FAM120AOS: variants seen among roughly 807,000 people sequenced by gnomAD.
The protein encoded by FAM120AOS is family with sequence similarity 120 member A opposite strand.
FAM120AOS carries 15 observed loss-of-function variants against 20.2 expected under a neutral mutation model. That is an observed-to-expected ratio of 0.74 (90% confidence interval 0.50 to 1.15). The LOEUF is 1.15. Among genes scored for constraint, FAM120AOS ranks in the 50% most tolerant of loss-of-function variants. The probability of loss-of-function intolerance (pLI) is 0.00; values close to 1 mark genes in which losing one functional copy is unlikely to be tolerated. For missense variants in FAM120AOS, 327 were observed against 351.9 expected (o/e 0.93, Z 0.57); for synonymous variants, 154 against 154.0 (o/e 1.00, Z 0.00).
Position 93,452,907 on chromosome 9 carries a change from C to A in FAM120AOS, c.-198G>T. On this transcript the variant is annotated 5_prime_UTR_variant, in exon 1 of 3. Coordinates refer to ENST00000375412, the MANE Select transcript of FAM120AOS (RefSeq NM_198841.4). This position sits in a 1 kb window ranked among gnomAD's most constrained non-coding sequence, Gnocchi z 7.0. ...CCGCCGCCCTTGCCAATGTTGTTAG[C>A]CCGGTGACAGCGAGACGTGTCTAAG... 7.0e-7 allele frequency: 1 copy of A among 1,435,390 alleles called. No individual in the cohort carries two copies. Among genetic ancestry groups the A allele is most frequent in the Non-Finnish European group, 9.1e-7 (1 of 1,102,466 alleles). The allele number at this position is 1,435,390 out of a possible 1,614,324, so 88.9% of individuals were successfully genotyped here. A position where few individuals can be genotyped will look rare whatever the true frequency, so the allele number is the denominator to read the frequency against.
In FAM120AOS at chr9:93,452,768, C is replaced by A. The variant is rs547451262; in HGVS notation, c.-59G>T. On this transcript the variant is annotated 5_prime_UTR_variant, in exon 1 of 3. It removes the in-frame stop codon of an upstream open reading frame in the 5' UTR. Transcript: ENST00000375412. This position sits in a 1 kb window ranked among gnomAD's most constrained non-coding sequence, Gnocchi z 7.0. ...CAACTTTGACAAAATACTCCCTTTT[C>A]TAATTTAGCCTGTTCTTTCCCAGCA... 3 of 1,596,316 alleles carry A rather than the reference C, an allele frequency of 1.9e-6. No individual in the cohort carries two copies. In the African/African-American group the frequency reaches 4.0e-5, roughly 21 times the overall value.
At position 93,453,342 on chromosome 9, in the gene FAM120AOS, G is replaced by T; in HGVS notation, c.-633C>A. On this transcript the variant is annotated 5_prime_UTR_variant, in exon 1 of 3. In the 5' UTR this introduces an upstream ATG that the reference lacks. Transcript: ENST00000375412. ...GGCCAGAGGAGAACTTCAGGACCCAGCAGTGACTGTGAAGATAAGCACATC... is the reference window on the plus strand; with the variant it reads ...GGCCAGAGGAGAACTTCAGGACCCATCAGTGACTGTGAAGATAAGCACATC... The T allele has an allele frequency of 1.0e-6, 1 of 985,760 alleles. No homozygotes were observed. Among genetic ancestry groups the T allele is most frequent in the Middle Eastern group, 5.2e-4 (1 of 1,918 alleles). The allele number at this position is 985,760 out of a possible 1,614,324, so 61.1% of individuals were successfully genotyped here. A position where few individuals can be genotyped will look rare whatever the true frequency, so the allele number is the denominator to read the frequency against.
chr9:93,448,001 T>G lies in FAM120AOS; in HGVS notation c.685-304A>C, dbSNP rs184812421. On this transcript the variant is annotated intron_variant, in intron 2 of 2. Transcript: ENST00000375412. ...CAGGGCTGGTGCTAGGTAAACATTA[T>G]AGGTTAGAATCCCTAGTGTGGATTA... 9.2e-5 allele frequency among the ~76,000 whole-genome samples: 14 copies of G among 152,214 alleles called. 2 individuals carry two copies. The highest frequency in any genetic ancestry group is 3.4e-4 in the African/African-American group (14 of 41,458).
At position 93,452,640 on chromosome 9, in the gene FAM120AOS, G is replaced by T; in HGVS notation, c.70C>A (p.Gln24Lys). 1.3e-6 allele frequency: 2 copies of T among 1,599,212 alleles called. No homozygotes were observed. The highest frequency in any genetic ancestry group is 1.1e-5 in the South Asian group (1 of 91,076). ...GGCCGCGTGGGGACACTTGAGGGCT[G>T]GGAGAGAGCCCCGGACCAGAATTCG... ...ASEFWSGALS[Q>K]PSSVPTRPRT... The change falls in exon 1 of 3, where the codon CAG becomes AAG. Residue 24 changes from glutamine to lysine, a missense_variant. Gln to Lys is a moderately conservative substitution (Grantham distance 53, BLOSUM62 1). Transcript: ENST00000375412. The surrounding 1 kb of genome is among the most constrained non-coding windows in gnomAD (Gnocchi z 7.0).
intron 1 of FAM120AOS, 193 bp downstream of exon 1, chr9:93,451,954 C>A: frequency 6.5e-7 from 1 of 1,533,928 alleles, no homozygotes. Flanking sequence ...TCGAGAAGCA[C>A]TGCCCGAGCG....
In FAM120AOS at chr9:93,451,094, C is replaced by T. The variant is rs533737072; in HGVS notation, c.564-495G>A. 15 of 1,550,632 alleles carry T rather than the reference C, an allele frequency of 9.7e-6. No individual in the cohort carries two copies. The East Asian group carries it at 3.4e-4, about 35-fold the overall frequency. On this transcript the variant is annotated intron_variant, in intron 1 of 2. Coordinates refer to ENST00000375412, the MANE Select transcript of FAM120AOS (RefSeq NM_198841.4). Reference sequence around the variant, plus strand: ...AAGCTGCTGGGATGAGCACCTGCCGCGGAACTGCATTCTCGCGCTCCTTCC... The same window carrying T: ...AAGCTGCTGGGATGAGCACCTGCCGTGGAACTGCATTCTCGCGCTCCTTCC...
intron 1 of FAM120AOS, chr9:93,451,372 G>A: frequency 1.4e-6 from 2 of 1,415,936 alleles, no homozygotes; most frequent in South Asian, 3.0e-5. Flanking sequence ...ACCGGGCGGA[G>A]GCGGCGGCCT....
chr9:93,447,444 A>G lies in FAM120AOS; in HGVS notation c.*167T>C. 3.2e-6 allele frequency: 2 copies of G among 632,120 alleles called. No homozygotes were observed. Among genetic ancestry groups the G allele is most frequent in the Middle Eastern group, 5.4e-4 (2 of 3,688 alleles). 39.2% of individuals were successfully genotyped at this position (632,120 alleles called of 1,614,324 possible). ...CTTCACATTCAGATGTGTTAATAAA[A>G]GTGGATAAAGACCACTCTAGCTTTA... On this transcript the variant is annotated 3_prime_UTR_variant, in exon 3 of 3. Coordinates refer to ENST00000375412, the MANE Select transcript of FAM120AOS (RefSeq NM_198841.4).
rs1857135209 is a variant in FAM120AOS at position 93,450,988 on chromosome 9, GGGCT to G, written c.564-393_564-390del. 5.2e-6 allele frequency: 8 copies of G among 1,524,816 alleles called. No individual in the cohort carries two copies. In the East Asian group the frequency reaches 2.0e-4, roughly 37 times the overall value. 94.5% of individuals were successfully genotyped at this position (1,524,816 alleles called of 1,614,324 possible). A position where few individuals can be genotyped will look rare whatever the true frequency, so the allele number is the denominator to read the frequency against. On this transcript the variant is annotated intron_variant, in intron 1 of 2. Transcript: ENST00000375412. Reference sequence around the variant, plus strand: ...CTCTTCCGTGACGAGCAGGCGCTTAGGGCTACCTGTACCTTCAGACATTATGGTG... The same window carrying G: ...CTCTTCCGTGACGAGCAGGCGCTTAGACCTGTACCTTCAGACATTATGGTG...
intron 1 of FAM120AOS, chr9:93,451,450 C>T: frequency 1.7e-6 from 2 of 1,209,958 alleles, no homozygotes. Flanking sequence ...GGCGGGCGAA[C>T]GGCCTCTGGC....
rs1221148558 is a variant in FAM120AOS at position 93,453,475 on chromosome 9, A to G, written c.-766T>C. On this transcript the variant is annotated 5_prime_UTR_variant, in exon 1 of 3. The change abolishes an upstream ATG in the 5' untranslated region. Coordinates refer to ENST00000375412, the MANE Select transcript of FAM120AOS (RefSeq NM_198841.4). ...CTTAGCTCTTGACACTCGGTCTTCC[A>G]TCTTGTCATTTGACATTTCCTTGAA... 1 of 985,444 alleles carries G rather than the reference A, an allele frequency of 1.0e-6. No individual in the cohort carries two copies. Among genetic ancestry groups the G allele is most frequent in the East Asian group, 1.1e-4 (1 of 8,816 alleles). The allele number at this position is 985,444 out of a possible 1,614,324, so 61.0% of individuals were successfully genotyped here.
Position 93,452,831 on chromosome 9 carries a change from T to C in FAM120AOS, c.-122A>G. The C allele has an allele frequency of 1.3e-6, 2 of 1,540,262 alleles. No individual in the cohort carries two copies. Among genetic ancestry groups the C allele is most frequent in the Non-Finnish European group, 1.7e-6 (2 of 1,152,638 alleles). ...TGGAAGCAGGCAGGATACAGAGTAA[T>C]AGAGGGGGTTTCGCCAGAGCCCTTG... On this transcript the variant is annotated 5_prime_UTR_variant, in exon 1 of 3. Transcript: ENST00000375412. The surrounding 1 kb of genome is among the most constrained non-coding windows in gnomAD (Gnocchi z 7.0).
chr9:93,445,595 T>TG lies in FAM120AOS; in HGVS notation c.*2015_*2016insC, dbSNP rs1564289169. 1.4e-5 allele frequency among the ~76,000 whole-genome samples: 2 copies of TG among 144,216 alleles called. No individual in the cohort carries two copies. Among genetic ancestry groups the TG allele is most frequent in the African/African-American group, 5.2e-5 (2 of 38,464 alleles). The allele number at this position is 144,216 out of a possible 152,430, so 94.6% of individuals were successfully genotyped here. ...CATAAAAATCGTTGTTTTTTTTTTT[T>TG]TTTTTTTTTTTTGAGACAAGGCCTC... On this transcript the variant is annotated 3_prime_UTR_variant, in exon 3 of 3. Coordinates refer to ENST00000375412, the MANE Select transcript of FAM120AOS (RefSeq NM_198841.4).
chr9:93,451,267 C>G, intron 1 of FAM120AOS: 1 of 1,488,600 alleles, frequency 6.7e-7, no homozygotes, highest in Admixed American at 2.2e-5. Context: ...TCGGCCTCGG[C>G]TCCCCTTCAA....
rs540081612 is a variant in FAM120AOS at position 93,444,430 on chromosome 9, C to T, written c.*3181G>A. Among the ~76,000 whole-genome samples the T allele has an allele frequency of 2.6e-5, 4 of 152,252 alleles. No individual in the cohort carries two copies. Among genetic ancestry groups the T allele is most frequent in the Non-Finnish European group, 5.9e-5 (4 of 68,016 alleles). On this transcript the variant is annotated 3_prime_UTR_variant, in exon 3 of 3. Coordinates refer to ENST00000375412, the MANE Select transcript of FAM120AOS (RefSeq NM_198841.4). ...ATTATAGCCACACTTTCTAGCTTGC[C>T]GGGCCCCCATTTACCAGAATGTTTT...
intron 1 of FAM120AOS, chr9:93,451,037 T>C: frequency 6.5e-7 from 1 of 1,550,284 alleles, no homozygotes; most frequent in East Asian, 2.4e-5. Flanking sequence ...ATGTCATTTG[T>C]CATAGGTGTA....
chr9:93,451,696 A>AGCG, intron 1 of FAM120AOS: 1 of 964,796 alleles, frequency 1.0e-6, no homozygotes, highest in Non-Finnish European at 1.2e-6. Flanking sequence ...TCGGCCTCGC[A>AGCG]GCGGCGGCAG....
In FAM120AOS at chr9:93,452,396, C is replaced by T; in HGVS notation, c.314G>A (p.Gly105Asp). The T allele has an allele frequency of 6.3e-7, 1 of 1,599,546 alleles. No homozygotes were observed. Among genetic ancestry groups the T allele is most frequent in the Non-Finnish European group, 8.5e-7 (1 of 1,173,940 alleles). Residue 105 changes from glycine to aspartate, a missense_variant, in exon 1 of 3, where the codon GGC (glycine) becomes GAC (aspartate). This residue lies in a region of FAM120AOS where 86 missense variants were observed against 140.2 expected (regional missense o/e 0.61). Transcript: ENST00000375412. The surrounding 1 kb of genome is among the most constrained non-coding windows in gnomAD (Gnocchi z 7.0). Reference sequence around the variant, plus strand: ...CATCCGCTTCCACGTCAAGGTGAGGCCGGGGATCCGGGCGGGCCGGGGACC... The same window carrying T: ...CATCCGCTTCCACGTCAAGGTGAGGTCGGGGATCCGGGCGGGCCGGGGACC... ...GPGPRPARIP[G>D]LTLTWKRMSA... is the part of the protein sequence containing the mutation.
At position 93,452,853 on chromosome 9, in the gene FAM120AOS, C is replaced by G; in HGVS notation, c.-144G>C. On this transcript the variant is annotated 5_prime_UTR_variant, in exon 1 of 3. Coordinates refer to ENST00000375412, the MANE Select transcript of FAM120AOS (RefSeq NM_198841.4). This position sits in a 1 kb window ranked among gnomAD's most constrained non-coding sequence, Gnocchi z 7.0. The stretch of plus-strand genomic sequence containing the variant: ...TAATAGAGGGGGTTTCGCCAGAGCC[C>G]TTGGGGGCTGCAAATATCAGTGCTG... 6.7e-7 allele frequency: 1 copy of G among 1,490,326 alleles called. No individual in the cohort carries two copies. The allele number at this position is 1,490,326 out of a possible 1,614,324, so 92.3% of individuals were successfully genotyped here. A position where few individuals can be genotyped will look rare whatever the true frequency, so the allele number is the denominator to read the frequency against.
Sources: gnomAD v4.1 joint callset for allele counts (sites outside exome capture counted in the v4.1 genomes callset) on GRCh38, gnomAD v4.1.1 for gene constraint, gnomAD v4.1.1 regional missense constraint, Gnocchi (gnomAD v3.1) non-coding constraint, MANE v1.5 for transcripts, NCBI Gene and HGNC (gene_info 2026-07-23, HGNC 2026-07-21) for gene names.